The following SGIP1 variants were observed in gnomAD, a reference collection of about 807,000 sequenced individuals.
SGIP1 encodes the protein SH3-containing GRB2-like protein 3-interacting protein 1.
SGIP1 carries 38 observed loss-of-function variants against 107.5 expected under a neutral mutation model. The ratio of observed to expected loss-of-function variants is 0.35; its 90% CI spans 0.27 to 0.46. The LOEUF (loss-of-function observed/expected upper bound fraction) is 0.46. Ranked by LOEUF, SGIP1 falls within the 20% of genes least tolerant of loss-of-function variation. SGIP1 has a pLI of 1.00. For missense variants in SGIP1, 929 were observed against 1,019.5 expected (o/e 0.91, Z 1.21); for synonymous variants, 365 against 366.1 (o/e 1.00, Z 0.03).
intron 18 of SGIP1, among the ~76,000 whole-genome samples, chr1:66,703,821 T>C (rs559564483): frequency 6.6e-6 from 1 of 151,928 alleles, no homozygotes; most frequent in Admixed American, 6.6e-5. Flanking sequence ...ATATGAATGA[T>C]ATATGGCATA....
chr1:66,594,205 A>G (rs2064181192), intron 1 of SGIP1, among the ~76,000 whole-genome samples: 1 of 145,090 alleles, frequency 6.9e-6, no homozygotes, highest in Non-Finnish European at 1.5e-5. Context: ...AAAAATATAA[A>G]CTTTTTTTCA....
At chr1:66,546,675 T>C (rs2056454999) in intron 1 of SGIP1, among the ~76,000 whole-genome samples, 1 of 152,250 alleles carries the variant, frequency 6.6e-6, no homozygotes, top group Non-Finnish European at 1.5e-5. Context: ...GTGAGAATTC[T>C]GCGTTGGATT....
chr1:66,646,372 G>T (rs1269487131), intron 7 of SGIP1, among the ~76,000 whole-genome samples: 1 of 152,064 alleles, frequency 6.6e-6, no homozygotes, highest in African/African-American at 2.4e-5. Flanking sequence ...TTAAACTATG[G>T]TTTTTATACT....
chr1:66,556,347 G>T (rs2058172166), intron 1 of SGIP1, among the ~76,000 whole-genome samples: 1 of 152,096 alleles, frequency 6.6e-6, no homozygotes, highest in South Asian at 2.1e-4. Context: ...ACGGCAGGAT[G>T]TGCCTTCTTT....
At chr1:66,737,512 A>G (rs2094308305) in intron 21 of SGIP1, among the ~76,000 whole-genome samples, 1 of 152,086 alleles carries the variant, frequency 6.6e-6, no homozygotes. Context: ...GGGCAACATA[A>G]TGAGACCCCA....
intron 1 of SGIP1, among the ~76,000 whole-genome samples, chr1:66,563,700 C>T (rs987394396): frequency 6.6e-6 from 1 of 151,938 alleles, no homozygotes; most frequent in Non-Finnish European, 1.5e-5. Flanking sequence ...GTTTGTTCCC[C>T]CACCCCCCTC....
chr1:66,630,027 G>A (rs555784859), intron 2 of SGIP1, among the ~76,000 whole-genome samples: 2 of 152,238 alleles, frequency 1.3e-5, no homozygotes, highest in South Asian at 2.1e-4. Flanking sequence ...CTAGGAAATC[G>A]ACATTGGTTG....
At chr1:66,554,654 AT>A (rs2057921052) in intron 1 of SGIP1, among the ~76,000 whole-genome samples, 2 of 152,180 alleles carry the variant, frequency 1.3e-5, no homozygotes. Flanking sequence ...AGGTATGTAT[AT>A]AAAACATAAA....
intron 2 of SGIP1, chr1:66,628,432 T>C (rs2073451668): frequency 1.3e-5 from 2 of 154,790 alleles, no homozygotes; most frequent in Middle Eastern, 1.0e-3. Flanking sequence ...CTAGATGGAA[T>C]CGAATTTCCC....
intron 1 of SGIP1, among the ~76,000 whole-genome samples, chr1:66,612,887 A>T (rs2149175861): frequency 6.6e-6 from 1 of 152,320 alleles, no homozygotes. Flanking sequence ...CAACTGGAAA[A>T]CTCTGAAGTG....
chr1:66,706,473 T>C (rs1456071699), intron 18 of SGIP1, among the ~76,000 whole-genome samples: 1 of 147,386 alleles, frequency 6.8e-6, no homozygotes, highest in Admixed American at 6.8e-5. Flanking sequence ...ATTATAAATA[T>C]TTTAATAAAT....
At chr1:66,727,581 G>A (rs577009230) in intron 19 of SGIP1, among the ~76,000 whole-genome samples, 14 of 152,224 alleles carry the variant, frequency 9.2e-5, no homozygotes, top group South Asian at 4.1e-4. Flanking sequence ...CCGTACACGC[G>A]TATTCATTGC....
intron 1 of SGIP1, among the ~76,000 whole-genome samples, chr1:66,558,266 C>T (rs2058462174): frequency 6.6e-6 from 1 of 151,886 alleles, no homozygotes; most frequent in South Asian, 2.1e-4. Flanking sequence ...CATAAGGGCC[C>T]ATGCTTAGAG....
intron 7 of SGIP1, chr1:66,659,996 AAGACAGACAGAC>A (rs71575497): frequency 5.5e-5 from 3 of 54,736 alleles, no homozygotes; most frequent in Middle Eastern, 7.7e-3. Context: ...GAAAGAAAGA[AAGACAGACAGAC>A]AGACAGACAG....
intron 1 of SGIP1, among the ~76,000 whole-genome samples, chr1:66,548,335 G>A (rs1198946784): frequency 6.6e-6 from 1 of 152,026 alleles, no homozygotes; most frequent in Admixed American, 6.6e-5. Context: ...GAAAGCTGAT[G>A]GAGATTGGAA....
intron 1 of SGIP1, among the ~76,000 whole-genome samples, chr1:66,551,837 G>T (rs1274458867): frequency 6.6e-6 from 1 of 152,184 alleles, no homozygotes; most frequent in Admixed American, 6.5e-5. Flanking sequence ...GTGTGCAGAA[G>T]TCCAAGATTG....
intron 1 of SGIP1, among the ~76,000 whole-genome samples, chr1:66,580,009 C>G (rs967273234): frequency 6.6e-6 from 1 of 152,154 alleles, no homozygotes; most frequent in Non-Finnish European, 1.5e-5. Context: ...ATCTTTCACT[C>G]TGATCTAAGG....
chr1:66,535,570 T>C (rs1157953248), intron 1 of SGIP1, among the ~76,000 whole-genome samples: 1 of 152,166 alleles, frequency 6.6e-6, no homozygotes, highest in African/African-American at 2.4e-5. Flanking sequence ...GTTAATGTGA[T>C]TTGGGGGAGT....
chr1:66,574,328 G>T (rs1167724726), intron 1 of SGIP1, among the ~76,000 whole-genome samples: 1 of 152,096 alleles, frequency 6.6e-6, no homozygotes, highest in Non-Finnish European at 1.5e-5. Flanking sequence ...TGACTTAATT[G>T]TGTATACAGG....
Sources: gnomAD v4.1 joint callset for allele counts (sites outside exome capture counted in the v4.1 genomes callset) on GRCh38, gnomAD v4.1.1 for gene constraint, MANE v1.5 for transcripts, NCBI Gene and HGNC (gene_info 2026-07-23, HGNC 2026-07-21) for gene names.